NUMB: variants seen among roughly 807,000 people sequenced by gnomAD.
NUMB encodes the protein NUMB endocytic adaptor protein.
A neutral mutation model predicts 59.7 loss-of-function variants in NUMB; 29 were observed. That is an observed-to-expected ratio of 0.49 (90% CI 0.36 to 0.66). The LOEUF (loss-of-function observed/expected upper bound fraction) is 0.66, where lower values mean the gene tolerates loss of function less well. NUMB is among the 30% of genes least tolerant of loss of function. The pLI is 0.00. For missense variants in NUMB, 723 were observed against 822.0 expected, an observed-to-expected ratio of 0.88 and a Z score of 1.47; for synonymous variants, 288 against 288.2, an observed-to-expected ratio of 1.00 and a Z score of 0.01.
At chr14:73,410,548 G>A (rs1896852358) in intron 1 of NUMB, among the ~76,000 whole-genome samples, 1 of 152,156 alleles carries the variant, frequency 6.6e-6, no homozygotes, top group Non-Finnish European at 1.5e-5. Flanking sequence ...TTGAACAGAT[G>A]CGAGCCATGA....
intron 2 of NUMB, among the ~76,000 whole-genome samples, chr14:73,372,126 G>T (rs1198605264): frequency 6.7e-6 from 1 of 148,892 alleles, no homozygotes; most frequent in African/African-American, 2.6e-5. Flanking sequence ...TCAACTACTT[G>T]GGAAGCTGAG....
intron 2 of NUMB, among the ~76,000 whole-genome samples, chr14:73,398,415 AGTGTGTGTGTGT>A (rs57407662): frequency 0.013 from 1,572 of 118,866 alleles, 24 homozygotes; most frequent in African/African-American, 0.045. Flanking sequence ...AGAGAGAGAG[AGTGTGTGTGTGT>A]GTGTGTGTGT....
chr14:73,353,353 C>T (rs1266601627), intron 4 of NUMB, among the ~76,000 whole-genome samples: 1 of 150,564 alleles, frequency 6.6e-6, no homozygotes, highest in East Asian at 2.0e-4. Flanking sequence ...TCCCAAAGTG[C>T]TGGGATTACA....
chr14:73,353,607 G>A (rs1417227877), intron 4 of NUMB, among the ~76,000 whole-genome samples: 2 of 151,024 alleles, frequency 1.3e-5, no homozygotes. Flanking sequence ...AGCTACTCGG[G>A]AGGCTGAGGC....
intron 4 of NUMB, among the ~76,000 whole-genome samples, chr14:73,337,382 T>A (rs1353448003): frequency 2.0e-5 from 3 of 152,096 alleles, no homozygotes; most frequent in African/African-American, 7.2e-5. Flanking sequence ...ATGCCTGTAA[T>A]CCCAGCTACT....
At chr14:73,384,889 ATTTTTT>A (rs143582593) in intron 2 of NUMB, among the ~76,000 whole-genome samples, 2 of 114,452 alleles carry the variant, frequency 1.7e-5, no homozygotes, top group East Asian at 2.7e-4. Context: ...AATAACTGTA[ATTTTTT>A]TTTTTTTTTT....
At chr14:73,330,964 G>A (rs1891943449) in intron 4 of NUMB, among the ~76,000 whole-genome samples, 1 of 152,182 alleles carries the variant, frequency 6.6e-6, no homozygotes. Flanking sequence ...AACTCTCGGA[G>A]GCTGAAGGCC....
At chr14:73,336,609 G>C (rs999128953) in intron 4 of NUMB, among the ~76,000 whole-genome samples, 2 of 151,422 alleles carry the variant, frequency 1.3e-5, no homozygotes, top group African/African-American at 4.8e-5. Flanking sequence ...CTTTCATCTG[G>C]AACAACTGGA....
intron 8 of NUMB, among the ~76,000 whole-genome samples, chr14:73,288,315 G>A (rs1258867068): frequency 6.6e-6 from 1 of 152,136 alleles, no homozygotes; most frequent in African/African-American, 2.4e-5. Context: ...CACTTTGGGA[G>A]GCTGAGATGG....
intron 2 of NUMB, among the ~76,000 whole-genome samples, chr14:73,367,914 T>A (rs1404644288): frequency 6.6e-6 from 1 of 152,072 alleles, no homozygotes; most frequent in Non-Finnish European, 1.5e-5. Context: ...TAAGGGAAAC[T>A]TCTTCAAAAC....
At chr14:73,421,532 A>G (rs1234344494) in intron 1 of NUMB, among the ~76,000 whole-genome samples, 3 of 152,098 alleles carry the variant, frequency 2.0e-5, no homozygotes, top group Non-Finnish European at 4.4e-5. Context: ...AGGTATAATC[A>G]TCCTAAAATT....
intron 1 of NUMB, among the ~76,000 whole-genome samples, chr14:73,424,136 T>C (rs1025754508): frequency 1.3e-5 from 2 of 152,098 alleles, no homozygotes; most frequent in Non-Finnish European, 2.9e-5. Flanking sequence ...TCTCTATATA[T>C]AGAATCTCAC....
chr14:73,292,168 G>A (rs1175349456), intron 8 of NUMB, among the ~76,000 whole-genome samples: 4 of 151,994 alleles, frequency 2.6e-5, no homozygotes, highest in South Asian at 2.1e-4. Context: ...CCCAAGGCAT[G>A]TAGAATGTAG....
intron 8 of NUMB, among the ~76,000 whole-genome samples, chr14:73,289,074 G>A (rs1167425940): frequency 6.6e-6 from 1 of 152,004 alleles, no homozygotes; most frequent in Non-Finnish European, 1.5e-5. Context: ...AAGCTTTGCT[G>A]TCTCCCCTTT....
intron 6 of NUMB, among the ~76,000 whole-genome samples, chr14:73,308,290 A>G (rs1890577632): frequency 6.6e-6 from 1 of 152,208 alleles, no homozygotes; most frequent in South Asian, 2.1e-4. Flanking sequence ...GGTCAAATCC[A>G]GGGTTTGGCT....
intron 2 of NUMB, among the ~76,000 whole-genome samples, chr14:73,369,729 AAT>A (rs935939576): frequency 2.6e-5 from 4 of 152,344 alleles, no homozygotes; most frequent in African/African-American, 7.2e-5. Context: ...TCCTTTTAAA[AAT>A]AGTTTATTAA....
At chr14:73,455,626 A>T (rs2140217842) in intron 1 of NUMB, among the ~76,000 whole-genome samples, 1 of 152,350 alleles carries the variant, frequency 6.6e-6, no homozygotes, top group Non-Finnish European at 1.5e-5. Context: ...AAGACCTAGA[A>T]ACTGTATATC....
At chr14:73,413,491 C>T (rs954967012) in intron 1 of NUMB, among the ~76,000 whole-genome samples, 7 of 151,816 alleles carry the variant, frequency 4.6e-5, no homozygotes, top group Non-Finnish European at 7.4e-5. Flanking sequence ...GGCATGGTGG[C>T]TCACGCTTGT....
chr14:73,444,447 A>C (rs1883316827), intron 1 of NUMB, among the ~76,000 whole-genome samples: 1 of 152,016 alleles, frequency 6.6e-6, no homozygotes, highest in African/African-American at 2.4e-5. Flanking sequence ...TCACATGGTA[A>C]TAGCTGAATT....
Sources: allele counts gnomAD v4.1 joint callset (sites outside exome capture counted in the v4.1 genomes callset), GRCh38; gene constraint gnomAD v4.1.1; transcripts MANE v1.5; gene names NCBI Gene and HGNC (gene_info 2026-07-23, HGNC 2026-07-21).